MDFIC2: variants seen among roughly 807,000 people sequenced by gnomAD.
MDFIC2 encodes MyoD family inhibitor domain containing 2, also known as myoD family inhibitor domain-containing protein 2.
At chr3:70,295,248 A>T (rs1191996271) in intron 2 of MDFIC2, among the ~76,000 whole-genome samples, 2 of 152,172 alleles carry the variant, frequency 1.3e-5, no homozygotes, top group African/African-American at 4.8e-5. Context: ...GAAGCAACCA[A>T]AGTAGCCATT....
intron 2 of MDFIC2, among the ~76,000 whole-genome samples, chr3:70,276,070 A>G (rs1702022842): frequency 1.3e-5 from 2 of 152,164 alleles, no homozygotes; most frequent in Non-Finnish European, 1.5e-5. Flanking sequence ...TCTTTTTAAC[A>G]AAATACAATT....
intron 2 of MDFIC2, among the ~76,000 whole-genome samples, chr3:70,292,863 A>G (rs1218709273): frequency 6.6e-6 from 1 of 152,034 alleles, no homozygotes; most frequent in African/African-American, 2.4e-5. Context: ...AATTACCTTG[A>G]TAGAAATACT....
intron 2 of MDFIC2, among the ~76,000 whole-genome samples, chr3:70,286,087 G>C (rs1321905935): frequency 2.6e-5 from 4 of 152,078 alleles, no homozygotes; most frequent in Admixed American, 6.5e-5. Flanking sequence ...TCAATTTTGT[G>C]TTTTGCTGCC....
At chr3:70,295,452 C>T (rs1263311983) in intron 2 of MDFIC2, among the ~76,000 whole-genome samples, 1 of 152,104 alleles carries the variant, frequency 6.6e-6, no homozygotes, top group Non-Finnish European at 1.5e-5. Flanking sequence ...TACTGTAATC[C>T]TAGCACTTTG....
chr3:70,248,200 C>T (rs1184356884), intron 2 of MDFIC2, among the ~76,000 whole-genome samples: 1 of 151,942 alleles, frequency 6.6e-6, no homozygotes, highest in Non-Finnish European at 1.5e-5. Flanking sequence ...TAAATAATTG[C>T]AAAGCATTGT....
At chr3:70,256,827 T>A (rs920126524) in intron 2 of MDFIC2, among the ~76,000 whole-genome samples, 4 of 152,202 alleles carry the variant, frequency 2.6e-5, no homozygotes, top group Admixed American at 6.5e-5. Context: ...GAATGCAAAG[T>A]AGATGGGCTG....
At chr3:70,244,135 A>G (rs951399698) in intron 2 of MDFIC2, among the ~76,000 whole-genome samples, 8 of 152,188 alleles carry the variant, frequency 5.3e-5, no homozygotes, top group Non-Finnish European at 1.2e-4. Context: ...CTCAAATGGG[A>G]ACAAGGTGCC....
intron 3 of MDFIC2, chr3:70,204,981 T>G (rs1182047749): frequency 1.3e-5 from 2 of 152,140 alleles, no homozygotes; most frequent in Admixed American, 1.3e-4. Context: ...CTCTCTGCCA[T>G]TACCTGTTTT....
At chr3:70,248,272 A>G (rs985512007) in intron 2 of MDFIC2, among the ~76,000 whole-genome samples, 2 of 152,154 alleles carry the variant, frequency 1.3e-5, no homozygotes, top group African/African-American at 4.8e-5. Flanking sequence ...AATATTATCA[A>G]CTTTCTAAAT....
intron 2 of MDFIC2, among the ~76,000 whole-genome samples, chr3:70,232,294 C>G (rs941622651): frequency 6.6e-6 from 1 of 152,176 alleles, no homozygotes; most frequent in Non-Finnish European, 1.5e-5. Flanking sequence ...TAGAGAATCC[C>G]AGCAAGTGTC....
intron 2 of MDFIC2, among the ~76,000 whole-genome samples, chr3:70,244,398 AG>A (rs776529141): frequency 7.2e-5 from 11 of 152,216 alleles, no homozygotes; most frequent in Non-Finnish European, 1.3e-4. Context: ...GCCTGTCAAA[AG>A]GGCATTCTAT....
At chr3:70,286,367 G>T (rs1286771158) in intron 2 of MDFIC2, among the ~76,000 whole-genome samples, 1 of 152,040 alleles carries the variant, frequency 6.6e-6, no homozygotes, top group African/African-American at 2.4e-5. Context: ...TCAGATAGTT[G>T]TAGATATGTG....
chr3:70,297,148 A>G (rs1191233622), intron 2 of MDFIC2, among the ~76,000 whole-genome samples: 2 of 152,168 alleles, frequency 1.3e-5, no homozygotes, highest in African/African-American at 2.4e-5. Flanking sequence ...AAATATTTTT[A>G]TGCACAGTAC....
intron 2 of MDFIC2, among the ~76,000 whole-genome samples, chr3:70,297,015 C>G (rs745974422): frequency 6.6e-6 from 1 of 151,914 alleles, no homozygotes; most frequent in Non-Finnish European, 1.5e-5. Context: ...ACCACACATA[C>G]GCACATACTA....
chr3:70,199,436 C>T (rs1253033251), intron 3 of MDFIC2, among the ~76,000 whole-genome samples: 1 of 152,074 alleles, frequency 6.6e-6, no homozygotes, highest in Non-Finnish European at 1.5e-5. Context: ...TTTCCTTCTA[C>T]CTCCCTATTT....
chr3:70,303,349 C>T (rs1702368008), intron 2 of MDFIC2, among the ~76,000 whole-genome samples: 1 of 152,058 alleles, frequency 6.6e-6, no homozygotes, highest in Non-Finnish European at 1.5e-5. Flanking sequence ...AGACTCATGG[C>T]CAAAGTTATT....
At chr3:70,207,522 A>G (rs1701304166) in intron 2 of MDFIC2, among the ~76,000 whole-genome samples, 2 of 152,184 alleles carry the variant, frequency 1.3e-5, no homozygotes, top group South Asian at 4.1e-4. Flanking sequence ...AGAAGCCCCA[A>G]GCGTTGTATG....
intron 2 of MDFIC2, among the ~76,000 whole-genome samples, chr3:70,218,575 A>G (rs144792420): frequency 1.3e-5 from 2 of 152,224 alleles, no homozygotes; most frequent in Non-Finnish European, 2.9e-5. Context: ...TGGCCTGAGT[A>G]GACTTTTCCT....
chr3:70,201,045 A>G (rs1701232816), intron 3 of MDFIC2, among the ~76,000 whole-genome samples: 1 of 150,966 alleles, frequency 6.6e-6, no homozygotes, highest in African/African-American at 2.4e-5. Context: ...TACTTATTTA[A>G]ATTCTTTTTT....
Sources: gnomAD v4.1 joint callset for allele counts (sites outside exome capture counted in the v4.1 genomes callset) on GRCh38, gnomAD v4.1.1 for gene constraint, MANE v1.5 for transcripts, NCBI Gene and HGNC (gene_info 2026-07-23, HGNC 2026-07-21) for gene names.